The following VPS13D variants were observed in gnomAD, a reference collection of about 807,000 sequenced individuals.
VPS13D encodes the protein vacuolar protein sorting 13 homolog D, also known as intermembrane lipid transfer protein VPS13D.
A neutral mutation model predicts 461.9 loss-of-function variants in VPS13D; 187 were observed. The ratio of observed to expected loss-of-function variants is 0.40; its 90% CI spans 0.36 to 0.46. VPS13D has a LOEUF of 0.46. VPS13D is among the 20% of genes least tolerant of loss of function. VPS13D has a pLI of 0.60. For missense variants in VPS13D, 4,711 were observed against 5,364.9 expected (o/e 0.88, Z 3.81); for synonymous variants, 1,951 against 1,986.3 (o/e 0.98, Z 0.47).
At chr1:12,327,932 T>C in intron 36 of VPS13D, 78 bp downstream of exon 36, 1 of 1,342,218 alleles carries the variant, frequency 7.5e-7, no homozygotes, top group Non-Finnish European at 1.0e-6. Flanking sequence ...TTTTTTTTTT[T>C]GTCATTCATA....
At chr1:12,328,285 T>G (rs572512929) in intron 36 of VPS13D, among the ~76,000 whole-genome samples, 9 of 151,958 alleles carry the variant, frequency 5.9e-5, no homozygotes, top group Non-Finnish European at 1.2e-4. Context: ...CACAGGGCCT[T>G]GTAAGGGGTA....
chr1:12,313,236 C>T (rs981334741), intron 29 of VPS13D, among the ~76,000 whole-genome samples: 4 of 150,066 alleles, frequency 2.7e-5, no homozygotes, highest in African/African-American at 7.4e-5. Flanking sequence ...CTGGTGAGAG[C>T]GTTGCATACT....
intron 65 of VPS13D, among the ~76,000 whole-genome samples, chr1:12,455,401 T>TCTC (rs892146074): frequency 2.0e-4 from 30 of 152,332 alleles, no homozygotes; most frequent in African/African-American, 7.0e-4. Context: ...GAAGCTCACT[T>TCTC]CTCCCTCAAG....
At chr1:12,320,407 C>G (rs1469037532) in intron 32 of VPS13D, among the ~76,000 whole-genome samples, 1 of 152,180 alleles carries the variant, frequency 6.6e-6, no homozygotes, top group Non-Finnish European at 1.5e-5. Context: ...GGTCGGGGTT[C>G]CTTTTGCTTT....
intron 42 of VPS13D, among the ~76,000 whole-genome samples, chr1:12,344,205 G>A (rs969610727): frequency 2.6e-5 from 4 of 152,220 alleles, no homozygotes; most frequent in Non-Finnish European, 4.4e-5. Context: ...TAGTATTTGA[G>A]CCTCATATTT....
intron 68 of VPS13D, among the ~76,000 whole-genome samples, chr1:12,503,386 G>A (rs1157993437): frequency 3.3e-5 from 5 of 150,804 alleles, no homozygotes; most frequent in Admixed American, 1.3e-4. Context: ...GTCTCACTAT[G>A]TGGCCCAGGA....
At chr1:12,445,960 T>C (rs1317908939) in intron 65 of VPS13D, among the ~76,000 whole-genome samples, 1 of 152,220 alleles carries the variant, frequency 6.6e-6, no homozygotes, top group Non-Finnish European at 1.5e-5. Flanking sequence ...CCCTGGACAT[T>C]GCTAGAAGTG....
At position 12,411,611 on chromosome 1, in the gene VPS13D, A is replaced by C. The variant is rs755865732; in HGVS notation, c.12031-3476A>C. ...TATCATTATCTATTATTGTGTAACA[A>C]ATGACGCCAAATTGCAGTGGTTTAA... On this transcript the variant is annotated intron_variant, in intron 63 of 69. Transcript: ENST00000620676. Among the ~76,000 whole-genome samples the C allele has an allele frequency of 2.0e-5, 3 of 152,344 alleles. No homozygotes were observed. The East Asian group carries it at 5.8e-4, about 29-fold the overall frequency.
chr1:12,345,711 A>G (rs1263923051), intron 43 of VPS13D, among the ~76,000 whole-genome samples: 1 of 152,242 alleles, frequency 6.6e-6, no homozygotes, highest in Non-Finnish European at 1.5e-5. Context: ...ACAAGATTTA[A>G]AATCAGCAGT....
At chr1:12,343,794 T>G (rs1643619234) in intron 42 of VPS13D, among the ~76,000 whole-genome samples, 1 of 152,252 alleles carries the variant, frequency 6.6e-6, no homozygotes, top group East Asian at 1.9e-4. Flanking sequence ...GGTGGAAACA[T>G]AGACATATCA....
intron 13 of VPS13D, among the ~76,000 whole-genome samples, chr1:12,265,259 G>A (rs1211459659): frequency 3.3e-5 from 5 of 152,118 alleles, no homozygotes. Flanking sequence ...GCAGCCCATG[G>A]ATCCAGGAGT....
chr1:12,411,953 A>G (rs1017103823), intron 63 of VPS13D, among the ~76,000 whole-genome samples: 1 of 152,240 alleles, frequency 6.6e-6, no homozygotes, highest in African/African-American at 2.4e-5. Context: ...AAGGTCACAC[A>G]TTATTATATC....
In VPS13D at chr1:12,256,340, T is replaced by C. The variant is rs920827628; in HGVS notation, c.677T>C (p.Met226Thr). 12 of 1,613,492 alleles carry C rather than the reference T, an allele frequency of 7.4e-6. No homozygotes were observed. The highest frequency in any genetic ancestry group is 4.0e-5 in the African/African-American group (3 of 75,010). ...DLPQMELQEA[M>T]ARSMESRSHH... ...TGTTCTTGTGACACACAGGAGGCCA[T>C]GGCCAGGAGCATGGAGAGTCGCAGC... The change falls in exon 8 of 70, where the codon ATG (methionine) becomes ACG (threonine). Residue 226 changes from methionine (M) to threonine (T), a missense_variant. By Grantham distance (81) the Met-to-Thr change is moderately conservative (BLOSUM62 -1). Coordinates refer to ENST00000620676, the MANE Select transcript of VPS13D (RefSeq NM_015378.4).
intron 2 of VPS13D, among the ~76,000 whole-genome samples, chr1:12,235,316 T>C (rs1640112892): frequency 6.6e-6 from 1 of 152,172 alleles, no homozygotes; most frequent in Non-Finnish European, 1.5e-5. Flanking sequence ...CGGTGGCTCA[T>C]GCCTGTAATC....
At chr1:12,308,374 CA>C (rs1642629165) in intron 26 of VPS13D, 56 bp from the exon 27 acceptor site, 1 of 1,578,158 alleles carries the variant, frequency 6.3e-7, no homozygotes, top group Non-Finnish European at 8.7e-7. Flanking sequence ...TTGTTTAGTG[CA>C]ACCCCTTTTT....
chr1:12,267,951 T>A (rs758809068), intron 15 of VPS13D, 31 bp downstream of exon 15: 2 of 1,537,936 alleles, frequency 1.3e-6, no homozygotes, highest in African/African-American at 2.8e-5. Context: ...TTTTTAAAAT[T>A]TTTAAATTTT....
rs137863332 is a variant in VPS13D at position 12,400,788 on chromosome 1, A to G, written c.11784+458A>G. ...GGAAACATGGTGAAACCTCATTTCT[A>G]TAAAAAATACAAAAATTAGCTGGAC... On this transcript the variant is annotated intron_variant, in intron 61 of 69. Transcript: ENST00000620676. Among the ~76,000 whole-genome samples, 326 of 152,210 alleles carry G rather than the reference A, an allele frequency of 2.1e-3. 2 individuals are homozygous for G. Among genetic ancestry groups the G allele is most frequent in the African/African-American group, 7.4e-3 (306 of 41,520 alleles).
intron 21 of VPS13D, among the ~76,000 whole-genome samples, chr1:12,287,575 A>G (rs1436647360): frequency 2.0e-5 from 3 of 152,190 alleles, no homozygotes; most frequent in Non-Finnish European, 4.4e-5. Flanking sequence ...ATGTTACTCA[A>G]AGCAAAAAAG....
chr1:12,490,774 A>C (rs1263898564), intron 67 of VPS13D, among the ~76,000 whole-genome samples: 3 of 151,854 alleles, frequency 2.0e-5, no homozygotes, highest in African/African-American at 7.3e-5. Context: ...TACAGGTCCG[A>C]GATAGATGCA....
Sources: allele counts gnomAD v4.1 joint callset (sites outside exome capture counted in the v4.1 genomes callset), GRCh38; gene constraint gnomAD v4.1.1; transcripts MANE v1.5; gene names NCBI Gene and HGNC (gene_info 2026-07-23, HGNC 2026-07-21).